Variants in CUL7 observed in about 807,000 individuals in gnomAD.
The protein encoded by CUL7 is cullin 7, also known as cullin-7.
CUL7 carries 96 observed loss-of-function variants against 177.7 expected under a neutral mutation model. The ratio of observed to expected loss-of-function variants is 0.54; its 90% CI spans 0.46 to 0.64. The LOEUF (loss-of-function observed/expected upper bound fraction) is 0.64, where lower values mean the gene tolerates loss of function less well. Among genes scored for constraint, CUL7 ranks in the 30% least tolerant of loss-of-function variants. CUL7 has a pLI of 0.00. For missense variants in CUL7, 1,893 were observed against 2,187.9 expected (o/e 0.87, Z 2.69); for synonymous variants, 824 against 890.2 (o/e 0.93, Z 1.32).
rs144353495 is a variant in CUL7, at chr6:43,051,129, G to A, written c.1072C>T (p.Arg358Cys). ...CCACTTGCGAACTCAGAACGAGGGC[G>A]AAAACGTCTTGACCTCCTGAAGGAG... Reference protein sequence around the residue: ...QPSFRRSRRFRPRSEFASGNT... With the variant: ...QPSFRRSRRFCPRSEFASGNT... Residue 358 changes from arginine (R) to cysteine (C), a missense_variant, in exon 4 of 26, where the codon CGC becomes TGC. Physicochemically the swap from Arg to Cys is radical, Grantham distance 180. Around this residue, in one of 5 missense-constraint regions of CUL7, gnomAD observed 653 missense variants for 725.2 expected, o/e 0.90. Coordinates refer to ENST00000265348, the MANE Select transcript of CUL7 (RefSeq NM_014780.5). This position sits in a 1 kb window ranked among gnomAD's most constrained non-coding sequence, Gnocchi z 5.0. 13 of 1,614,222 alleles carry A rather than the reference G, an allele frequency of 8.1e-6. No individual in the cohort carries two copies. In the East Asian group the frequency reaches 8.9e-5, roughly 11 times the overall value.
Position 43,038,447 on chromosome 6 carries a change from G to A in CUL7, c.4593C>T (p.Ser1531=). 10 of 1,614,160 alleles carry A rather than the reference G, an allele frequency of 6.2e-6. No homozygotes were observed. The highest frequency in any genetic ancestry group is 8.5e-6 in the Non-Finnish European group (10 of 1,180,022). ...PGGVLKIRDG[S]KEPRSRWDIV... is the part of the protein sequence containing the mutation. The stretch of plus-strand genomic sequence containing the variant: ...TGTCCCATCTCGACCTGGGTTCCTT[G>A]CTGCCATCTCGAATCTTGAGGACCC... The change falls in exon 25 of 26, where the codon AGC becomes AGT. Residue 1531 remains serine, a synonymous_variant. Coordinates refer to ENST00000265348, the MANE Select transcript of CUL7 (RefSeq NM_014780.5).
At chr6:43,049,356 G>A (rs747497368) in intron 7 of CUL7, 51 bp downstream of exon 7, 48 of 1,612,740 alleles carry the variant, frequency 3.0e-5, no homozygotes, top group Admixed American at 1.8e-4. Flanking sequence ...CATCTCTCCT[G>A]TGCTACTGCC....
chr6:43,042,836 G>C lies in CUL7; in HGVS notation c.3611C>G (p.Ala1204Gly), dbSNP rs201515972. 1.3e-5 allele frequency: 21 copies of C among 1,613,542 alleles called. No homozygotes were observed. The highest frequency in any genetic ancestry group is 1.7e-5 in the Non-Finnish European group (20 of 1,179,702). The change falls in exon 19 of 26, where the codon GCC (alanine) becomes GGC (glycine). Residue 1204 changes from alanine (A) to glycine (G), a missense_variant. This residue lies in a region of CUL7 where 973 missense variants were observed against 1,140.9 expected (regional missense o/e 0.85). Coordinates refer to ENST00000265348, the MANE Select transcript of CUL7 (RefSeq NM_014780.5). ...LLALQNGCAG[A>G]LLKLPFLKAA... ...TTTGAGAAAAGGGAGCTTCAGCAAG[G>C]CTCCCGCACAGCCATTTTGCAGCGC...
At position 43,051,916 on chromosome 6, in the gene CUL7, T is replaced by TACAC. The variant is rs753634267; in HGVS notation, c.581-157_581-154dup. Among the ~76,000 whole-genome samples the TACAC allele has an allele frequency of 6.6e-6, 1 of 151,980 alleles. No individual in the cohort carries two copies. The highest frequency in any genetic ancestry group is 1.5e-5 in the Non-Finnish European group (1 of 67,964). On this transcript the variant is annotated intron_variant, in intron 2 of 25. Transcript: ENST00000265348. This position sits in a 1 kb window ranked among gnomAD's most constrained non-coding sequence, Gnocchi z 5.0. ...GCTAAAATTTGCTAACTTATACACA[T>TACAC]ACACACACACACGCACATAAACACG...
Position 43,038,290 on chromosome 6 carries a change from GCAGCCCCT to G in CUL7, c.4742_4749del (p.Glu1581AlafsTer3). ...ACCAGACAGACAAGCTGGTCAATGT[GCAGCCCCT>G]CATCTCCATGGGCCTTGAGGATTCG... On this transcript the variant is annotated frameshift_variant, in exon 25 of 26. Transcript: ENST00000265348. LOFTEE classifies it high-confidence loss of function. 1 of 1,614,170 alleles carries G rather than the reference GCAGCCCCT, an allele frequency of 6.2e-7. No homozygotes were observed. The highest frequency in any genetic ancestry group is 8.5e-7 in the Non-Finnish European group (1 of 1,180,044).
At position 43,037,871 on chromosome 6, in the gene CUL7, G is replaced by A. The variant is rs61731584; in HGVS notation, c.4914C>T (p.Asp1638=). ...LLGKGTLRRH[D]DRPQVLSYAV... Reference sequence around the variant, plus strand: ...CATAGGACAGCACCTGGGGCCGGTCGTCATGGCGTCTCAGCGTGCCCTTGC... The same window carrying A: ...CATAGGACAGCACCTGGGGCCGGTCATCATGGCGTCTCAGCGTGCCCTTGC... The change falls in exon 26 of 26, where the codon GAC becomes GAT. Residue 1638 remains aspartate (D), a synonymous_variant. Coordinates refer to ENST00000265348, the MANE Select transcript of CUL7 (RefSeq NM_014780.5). The A allele has an allele frequency of 3.4e-4, 544 of 1,613,816 alleles. 1 individual carries two copies. The African/African-American group carries it at 6.4e-3, about 19-fold the overall frequency.
chr6:43,046,765 G>T, intron 10 of CUL7, 115 bp downstream of exon 10: 1 of 1,272,398 alleles, frequency 7.9e-7, no homozygotes, highest in East Asian at 2.4e-5. Context: ...AAATGCCCCA[G>T]GGTCACTAGA....
At position 43,053,452 on chromosome 6, in the gene CUL7, A is replaced by G. The variant is rs1764618325; in HGVS notation, c.-9+170T>C. 6.6e-6 allele frequency among the ~76,000 whole-genome samples: 1 copy of G among 151,740 alleles called. No individual in the cohort carries two copies. Among genetic ancestry groups the G allele is most frequent in the Non-Finnish European group, 1.5e-5 (1 of 67,918 alleles). On this transcript the variant is annotated intron_variant, in intron 1 of 25. Transcript: ENST00000265348. The surrounding 1 kb of genome is among the most constrained non-coding windows in gnomAD (Gnocchi z 4.1). The stretch of plus-strand genomic sequence containing the variant: ...CGAGGGGCTTGGGGACCGAGGTTGG[A>G]GACTGGAGAAGCCAGGGGCGCGCGG...
Position 43,041,137 on chromosome 6 carries a change from G to T in CUL7, c.3646-62C>A, listed in dbSNP as rs1763385435. ...GCGAGCAGAGCAGGTGAGTGGGGAGGAGGGATGAGGGTCTGGAAAGTAGAT... is the reference window on the plus strand; with the variant it reads ...GCGAGCAGAGCAGGTGAGTGGGGAGTAGGGATGAGGGTCTGGAAAGTAGAT... On this transcript the variant is annotated intron_variant, in intron 19 of 25. Transcript: ENST00000265348. The T allele has an allele frequency of 1.9e-6, 3 of 1,551,054 alleles. No individual in the cohort carries two copies. In the Admixed American group the frequency reaches 5.1e-5, roughly 26 times the overall value.
rs779355111 is a variant in CUL7, at chr6:43,038,963, C to T, written c.4319G>A (p.Arg1440Gln). The T allele has an allele frequency of 7.4e-6, 12 of 1,612,204 alleles. No homozygotes were observed. The East Asian group carries it at 1.1e-4, about 15-fold the overall frequency. Reference sequence around the variant, plus strand: ...CCACTGCAGTCGCCTCTGTGAGCCTCGCTCAAGGGCAGGGTGGCTCTGACC... The same window carrying T: ...CCACTGCAGTCGCCTCTGTGAGCCTTGCTCAAGGGCAGGGTGGCTCTGACC... ...NKSQSHPALE[R>Q]GSQRRLQWTW... The change falls in exon 23 of 26, where the codon CGA (arginine) becomes CAA (glutamine). Residue 1440 changes from arginine to glutamine, a missense_variant. Transcript: ENST00000265348.
At position 43,051,971 on chromosome 6, in the gene CUL7, C is replaced by A. The variant is rs573017916; in HGVS notation, c.581-208G>T. ...ACAATAGTCTAAACTCTAAATTCTT[C>A]CTTTGCATAAAAAGCAACTAATTAA... On this transcript the variant is annotated intron_variant, in intron 2 of 25. Coordinates refer to ENST00000265348, the MANE Select transcript of CUL7 (RefSeq NM_014780.5). This position sits in a 1 kb window ranked among gnomAD's most constrained non-coding sequence, Gnocchi z 5.0. The A allele has an allele frequency of 2.1e-5, 19 of 921,714 alleles. No homozygotes were observed. The highest frequency in any genetic ancestry group is 2.7e-4 in the Middle Eastern group (1 of 3,748). 57.1% of individuals were successfully genotyped at this position (921,714 alleles called of 1,614,324 possible).
Position 43,052,691 on chromosome 6 carries a change from T to C in CUL7, c.98A>G (p.Asp33Gly). ...DELIRQRVGHDGHPEYQIRWL... is the reference protein window; with the variant it reads ...DELIRQRVGHGGHPEYQIRWL... ...ACGGATCTGGTACTCAGGATGCCCA[T>C]CATGGCCCACGCGCTGGCGGATCAG... is the stretch of plus-strand genomic sequence containing the variant. Residue 33 changes from aspartate to glycine, a missense_variant, in exon 2 of 26, where the codon GAT becomes GGT. This residue lies in a region of CUL7 where 653 missense variants were observed against 725.2 expected (regional missense o/e 0.90). Transcript: ENST00000265348. The surrounding 1 kb of genome is among the most constrained non-coding windows in gnomAD (Gnocchi z 4.5). 5.0e-6 allele frequency: 8 copies of C among 1,614,024 alleles called. No homozygotes were observed. The highest frequency in any genetic ancestry group is 6.8e-6 in the Non-Finnish European group (8 of 1,180,032).
chr6:43,049,567 G>A lies in CUL7; in HGVS notation c.1665C>T (p.Ala555=), dbSNP rs1455571174. The A allele has an allele frequency of 6.2e-7, 1 of 1,614,098 alleles. No homozygotes were observed. Among genetic ancestry groups the A allele is most frequent in the Non-Finnish European group, 8.5e-7 (1 of 1,180,048 alleles). Reference sequence around the variant, plus strand: ...CATGGCAGTTGATCAGGTCCCTGAGGGCACTGTCATTGAGTCGCTGTGGCA... The same window carrying A: ...CATGGCAGTTGATCAGGTCCCTGAGAGCACTGTCATTGAGTCGCTGTGGCA... ...LTLPQRLNDS[A]LRDLINCHVY... is the part of the protein sequence containing the mutation. The change falls in exon 7 of 26, where the codon GCC becomes GCT. Residue 555 remains alanine (A), a synonymous_variant. Coordinates refer to ENST00000265348, the MANE Select transcript of CUL7 (RefSeq NM_014780.5).
At position 43,049,561 on chromosome 6, in the gene CUL7, C is replaced by A; in HGVS notation, c.1671G>T (p.Arg557Ser). 2.5e-6 allele frequency: 4 copies of A among 1,614,182 alleles called. No individual in the cohort carries two copies. Among genetic ancestry groups the A allele is most frequent in the Non-Finnish European group, 3.4e-6 (4 of 1,180,030 alleles). Residue 557 changes from arginine to serine, a missense_variant, in exon 7 of 26, where the codon AGG becomes AGT. Arg to Ser is a moderately radical substitution (Grantham distance 110, BLOSUM62 -1). Coordinates refer to ENST00000265348, the MANE Select transcript of CUL7 (RefSeq NM_014780.5). ...TGTAGACATGGCAGTTGATCAGGTC[C>A]CTGAGGGCACTGTCATTGAGTCGCT... ...LPQRLNDSALRDLINCHVYKK... is the reference protein window; with the variant it reads ...LPQRLNDSALSDLINCHVYKK...
chr6:43,046,023 C>G lies in CUL7; in HGVS notation c.2729G>C (p.Gly910Ala). ...CGTGTGAAGAGAGCTAGTGCTATCA[C>G]CCCCGCACACCACCACTCGGGCCGG... ...YMPARVVVCGGDSTSSLHTEL... is the reference protein window; with the variant it reads ...YMPARVVVCGADSTSSLHTEL... The change falls in exon 13 of 26, where the codon GGT (glycine) becomes GCT (alanine). Residue 910 changes from glycine to alanine, a missense_variant. By Grantham distance (60) the Gly-to-Ala change is moderately conservative (BLOSUM62 0). Coordinates refer to ENST00000265348, the MANE Select transcript of CUL7 (RefSeq NM_014780.5). 1.2e-6 allele frequency: 2 copies of G among 1,614,052 alleles called. No individual in the cohort carries two copies. The highest frequency in any genetic ancestry group is 1.7e-6 in the Non-Finnish European group (2 of 1,179,936).
chr6:43,041,135 A>AG (rs1339006933), intron 19 of CUL7, 60 bp from the exon 20 acceptor site: 2 of 1,560,630 alleles, frequency 1.3e-6, no homozygotes, highest in African/African-American at 1.4e-5. Context: ...GTGAGTGGGG[A>AG]GGAGGGATGA....
In CUL7 at chr6:43,051,827, C is replaced by T. The variant is rs965689564; in HGVS notation, c.581-64G>A. On this transcript the variant is annotated intron_variant, in intron 2 of 25. Transcript: ENST00000265348. The surrounding 1 kb of genome is among the most constrained non-coding windows in gnomAD (Gnocchi z 5.0). ...TCACCCTTCCTAGAAATCTTAGACC[C>T]TCTACTCTTTCAATCCAATCCTTTT... The T allele has an allele frequency of 5.7e-6, 9 of 1,578,662 alleles. No individual in the cohort carries two copies. The highest frequency in any genetic ancestry group is 7.0e-6 in the Non-Finnish European group (8 of 1,148,626).
rs1196493170 is a variant in CUL7 at position 43,043,653 on chromosome 6, C to T, written c.3173-23G>A. 1 of 1,525,902 alleles carries T rather than the reference C, an allele frequency of 6.6e-7. No individual in the cohort carries two copies. Among genetic ancestry groups the T allele is most frequent in the Admixed American group, 1.9e-5 (1 of 53,896 alleles). 94.5% of individuals were successfully genotyped at this position (1,525,902 alleles called of 1,614,324 possible). ...CATCTAGAGGGTGAGATAAACAAAC[C>T]AAGGCACAGCCATGTCTGCAGGGAA... On this transcript the variant is annotated intron_variant, in intron 16 of 25. Transcript: ENST00000265348. This position sits in a 1 kb window ranked among gnomAD's most constrained non-coding sequence, Gnocchi z 4.2.
At position 43,051,860 on chromosome 6, in the gene CUL7, C is replaced by T. The variant is rs1339593429; in HGVS notation, c.581-97G>A. 65 of 1,472,372 alleles carry T rather than the reference C, an allele frequency of 4.4e-5. No individual in the cohort carries two copies. Among genetic ancestry groups the T allele is most frequent in the Non-Finnish European group, 5.8e-5 (61 of 1,053,904 alleles). The allele number at this position is 1,472,372 out of a possible 1,614,324, so 91.2% of individuals were successfully genotyped here. On this transcript the variant is annotated intron_variant, in intron 2 of 25. Transcript: ENST00000265348. This position sits in a 1 kb window ranked among gnomAD's most constrained non-coding sequence, Gnocchi z 5.0. ...TTTCAATCCAATCCTTTTGCCACCACACAATGAGAAAGAACTGATTTGCTT... is the reference window on the plus strand; with the variant it reads ...TTTCAATCCAATCCTTTTGCCACCATACAATGAGAAAGAACTGATTTGCTT...
Sources: allele counts gnomAD v4.1 joint callset (sites outside exome capture counted in the v4.1 genomes callset), GRCh38; gene constraint gnomAD v4.1.1; regional missense constraint gnomAD v4.1.1; non-coding constraint Gnocchi (gnomAD v3.1); transcripts MANE v1.5; gene names NCBI Gene and HGNC (gene_info 2026-07-23, HGNC 2026-07-21).